The following ZNF804B variants were observed in gnomAD, a reference collection of about 807,000 sequenced individuals.
ZNF804B encodes zinc finger protein 804B, also known as zinc finger 804B.
ZNF804B carries 80 observed loss-of-function variants against 101.4 expected under a neutral mutation model. The ratio of observed to expected loss-of-function variants is 0.79; its 90% CI spans 0.66 to 0.95. The LOEUF (loss-of-function observed/expected upper bound fraction) is 0.95. Ranked by LOEUF, ZNF804B falls within the 40% of genes least tolerant of loss-of-function variation. The pLI is 0.00. For missense variants in ZNF804B, 1,673 were observed against 1,561.9 expected, an observed-to-expected ratio of 1.07 and a Z score of -1.20; for synonymous variants, 622 against 558.8, an observed-to-expected ratio of 1.11 and a Z score of -1.59.
At chr7:89,015,753 T>C (rs931159436) in intron 1 of ZNF804B, among the ~76,000 whole-genome samples, 3 of 152,208 alleles carry the variant, frequency 2.0e-5, no homozygotes, top group African/African-American at 7.2e-5. Flanking sequence ...ACATTTGGGT[T>C]GGTTCCAAGT....
intron 1 of ZNF804B, among the ~76,000 whole-genome samples, chr7:88,947,913 T>G (rs1793160965): frequency 2.0e-5 from 3 of 152,040 alleles, no homozygotes; most frequent in Admixed American, 2.0e-4. Context: ...TCAAGGATAC[T>G]GAGGAACAAT....
At chr7:88,982,925 G>A (rs929897095) in intron 1 of ZNF804B, among the ~76,000 whole-genome samples, 1 of 152,058 alleles carries the variant, frequency 6.6e-6, no homozygotes, top group Non-Finnish European at 1.5e-5. Context: ...CAGCTGAAAT[G>A]CTTCCAGTGA....
intron 1 of ZNF804B, among the ~76,000 whole-genome samples, chr7:89,206,179 A>G (rs1253110228): frequency 6.6e-6 from 1 of 152,208 alleles, no homozygotes; most frequent in Non-Finnish European, 1.5e-5. Context: ...GGCCCGGCCC[A>G]TAAAACCATT....
intron 1 of ZNF804B, among the ~76,000 whole-genome samples, chr7:88,921,055 C>T (rs980361108): frequency 1.4e-4 from 21 of 152,038 alleles, no homozygotes; most frequent in African/African-American, 2.2e-4. Context: ...GCTGATAAAA[C>T]GAATGCACTA....
At chr7:88,812,826 C>A (rs1790811324) in intron 1 of ZNF804B, among the ~76,000 whole-genome samples, 1 of 151,858 alleles carries the variant, frequency 6.6e-6, no homozygotes, top group African/African-American at 2.4e-5. Context: ...CTGTTTGAGT[C>A]CACATATATG....
chr7:89,292,467 AGT>A (rs1281071122), intron 2 of ZNF804B, among the ~76,000 whole-genome samples: 1 of 152,114 alleles, frequency 6.6e-6, no homozygotes, highest in Non-Finnish European at 1.5e-5. Flanking sequence ...TTGTTTATGC[AGT>A]GTTACATTTT....
intron 1 of ZNF804B, among the ~76,000 whole-genome samples, chr7:88,880,191 G>C (rs548512824): frequency 3.9e-5 from 6 of 152,196 alleles, no homozygotes; most frequent in Non-Finnish European, 8.8e-5. Context: ...TTTGCTAGCA[G>C]AGTCAAGGGA....
intron 2 of ZNF804B, among the ~76,000 whole-genome samples, chr7:89,282,187 C>T (rs1361591947): frequency 2.4e-5 from 3 of 124,094 alleles, no homozygotes; most frequent in Non-Finnish European, 4.8e-5. Flanking sequence ...GGCGACAGAG[C>T]GAGACTCCGT....
intron 1 of ZNF804B, among the ~76,000 whole-genome samples, chr7:89,169,130 A>G (rs1484991780): frequency 6.6e-6 from 1 of 152,122 alleles, no homozygotes; most frequent in Non-Finnish European, 1.5e-5. Context: ...AGCACAGTGG[A>G]CACCCTGCCC....
At chr7:88,848,125 A>T (rs1230436399) in intron 1 of ZNF804B, among the ~76,000 whole-genome samples, 1 of 152,190 alleles carries the variant, frequency 6.6e-6, no homozygotes, top group Non-Finnish European at 1.5e-5. Context: ...TCCAATAGGG[A>T]GAGAACAGGG....
intron 1 of ZNF804B, among the ~76,000 whole-genome samples, chr7:88,832,902 G>A (rs945903938): frequency 6.6e-6 from 1 of 151,876 alleles, no homozygotes; most frequent in African/African-American, 2.4e-5. Context: ...AAGCATAGTT[G>A]CACCATATCT....
At chr7:89,330,219 C>G (rs963115257) in intron 3 of ZNF804B, among the ~76,000 whole-genome samples, 4 of 151,442 alleles carry the variant, frequency 2.6e-5, no homozygotes, top group African/African-American at 9.7e-5. Context: ...TTTCAAGGGG[C>G]GGGCTGGTGG....
intron 1 of ZNF804B, among the ~76,000 whole-genome samples, chr7:89,173,150 A>G (rs1027471047): frequency 4.6e-5 from 7 of 152,140 alleles, no homozygotes; most frequent in African/African-American, 1.7e-4. Flanking sequence ...TCAAAAAGTT[A>G]ATCCCTGACT....
chr7:88,921,643 C>G (rs1001508698), intron 1 of ZNF804B, among the ~76,000 whole-genome samples: 1 of 151,942 alleles, frequency 6.6e-6, no homozygotes, highest in East Asian at 1.9e-4. Flanking sequence ...ATTTGCTTCC[C>G]GTGAGAATGA....
chr7:88,807,923 T>C (rs923029187), intron 1 of ZNF804B, among the ~76,000 whole-genome samples: 5 of 152,190 alleles, frequency 3.3e-5, no homozygotes, highest in Admixed American at 1.3e-4. Flanking sequence ...AAGAAGTTCC[T>C]ACAACTGAAG....
At chr7:89,075,561 C>G (rs370575669) in intron 1 of ZNF804B, among the ~76,000 whole-genome samples, 2 of 152,318 alleles carry the variant, frequency 1.3e-5, no homozygotes, top group Admixed American at 6.5e-5. Flanking sequence ...GATGTCCAGA[C>G]AGAAGTTTGC....
At chr7:89,098,837 A>G (rs1051316396) in intron 1 of ZNF804B, among the ~76,000 whole-genome samples, 2 of 148,256 alleles carry the variant, frequency 1.3e-5, no homozygotes, top group Non-Finnish European at 1.5e-5. Flanking sequence ...GTTAATATGC[A>G]TTTATTTGTT....
In ZNF804B at chr7:89,336,011, A is replaced by C; in HGVS notation, c.3029A>C (p.His1010Pro). The C allele has an allele frequency of 6.2e-7, 1 of 1,614,024 alleles. No individual in the cohort carries two copies. The highest frequency in any genetic ancestry group is 8.5e-7 in the Non-Finnish European group (1 of 1,179,988). ...TTEKDKSKSS[H>P]TNNFTILADT... ...GAGAAAGACAAAAGCAAAAGTTCAC[A>C]CACAAATAATTTTACAATTTTAGCA... Residue 1010 changes from histidine to proline, a missense_variant, in exon 4 of 4, where the codon CAC becomes CCC. Coordinates refer to ENST00000333190, the MANE Select transcript of ZNF804B (RefSeq NM_181646.5).
chr7:89,108,833 G>T (rs1312187265), intron 1 of ZNF804B, among the ~76,000 whole-genome samples: 1 of 152,132 alleles, frequency 6.6e-6, no homozygotes, highest in African/African-American at 2.4e-5. Flanking sequence ...GCAAGAGTTA[G>T]AAAGGTTAAC....
Sources: allele counts gnomAD v4.1 joint callset (sites outside exome capture counted in the v4.1 genomes callset), GRCh38; gene constraint gnomAD v4.1.1; transcripts MANE v1.5; gene names NCBI Gene and HGNC (gene_info 2026-07-23, HGNC 2026-07-21).